Variants in MC2R observed in about 807,000 individuals in gnomAD.
The protein encoded by MC2R is adrenocorticotropic hormone receptor.
In MC2R, 9 loss-of-function variants were observed where a neutral mutation model predicts 9.8. The ratio of observed to expected loss-of-function variants is 0.92; its 90% CI spans 0.55 to 1.60. The LOEUF (loss-of-function observed/expected upper bound fraction) is 1.60, where lower values mean the gene tolerates loss of function less well. MC2R is among the 40% of genes most tolerant of loss of function. The pLI is 0.00. For synonymous variants in MC2R, 185 were observed against 154.7 expected, an observed-to-expected ratio of 1.20 and a Z score of -1.45; for missense variants, 370 against 389.0, an observed-to-expected ratio of 0.95 and a Z score of 0.41.
At chr18:13,888,833 C>T (rs546996281) in intron 1 of MC2R, among the ~76,000 whole-genome samples, 20 of 152,152 alleles carry the variant, frequency 1.3e-4, no homozygotes, top group Non-Finnish European at 2.6e-4. Flanking sequence ...TGTGAGGTGG[C>T]GTCAATGATC....
chr18:13,891,758 C>T (rs1173579437), intron 1 of MC2R, among the ~76,000 whole-genome samples: 3 of 142,676 alleles, frequency 2.1e-5, no homozygotes, highest in Admixed American at 7.1e-5. Context: ...TTTGGCCCTT[C>T]GGGTCTTGGC....
chr18:13,884,600 A>T lies in MC2R; in HGVS notation c.*25T>A. The T allele has an allele frequency of 6.2e-7, 1 of 1,609,166 alleles. No homozygotes were observed. The highest frequency in any genetic ancestry group is 8.5e-7 in the Non-Finnish European group (1 of 1,179,346). On this transcript the variant is annotated 3_prime_UTR_variant, in exon 2 of 2. Transcript: ENST00000327606. ...GCACTTGGCAACGTTATTCCCATGG[A>T]TTCTAAAACCAGGGATCAGCCATTC...
At chr18:13,892,114 C>T (rs897120898) in intron 1 of MC2R, among the ~76,000 whole-genome samples, 1 of 152,160 alleles carries the variant, frequency 6.6e-6, no homozygotes, top group Non-Finnish European at 1.5e-5. Flanking sequence ...TTCAGGGGCC[C>T]TTCACCATCA....
intron 1 of MC2R, among the ~76,000 whole-genome samples, chr18:13,909,214 G>A (rs79040789): frequency 0.025 from 3,848 of 152,272 alleles, 129 homozygotes; most frequent in African/African-American, 0.089. Flanking sequence ...CCACAATTGT[G>A]TGACATTTTT....
chr18:13,901,554 G>A (rs972017011), intron 1 of MC2R, among the ~76,000 whole-genome samples: 5 of 151,926 alleles, frequency 3.3e-5, no homozygotes, highest in African/African-American at 4.8e-5. Flanking sequence ...AATGAAAAAA[G>A]AGACGTTACA....
chr18:13,896,687 A>G (rs2045347862), intron 1 of MC2R, among the ~76,000 whole-genome samples: 1 of 152,202 alleles, frequency 6.6e-6, no homozygotes, highest in Admixed American at 6.5e-5. Context: ...AAATATCTGG[A>G]GCAAGGAACA....
rs2045249423 is a variant in MC2R, at chr18:13,883,619, A to ACT, written c.*1005_*1006insAG. ...CACACACACACACACACACACACAC[A>ACT]CACACACACTCTCTCTCTCTCTCTC... is the stretch of plus-strand genomic sequence containing the variant. On this transcript the variant is annotated 3_prime_UTR_variant, in exon 2 of 2. Transcript: ENST00000327606. 3 of 76,336 alleles carry ACT rather than the reference A, an allele frequency of 3.9e-5. No homozygotes were observed. The highest frequency in any genetic ancestry group is 1.5e-4 in the African/African-American group (3 of 19,530). The allele number at this position is 76,336 out of a possible 1,614,324, so 4.7% of individuals were successfully genotyped here. A position where few individuals can be genotyped will look rare whatever the true frequency, so the allele number is the denominator to read the frequency against.
chr18:13,912,289 C>T (rs552211698), intron 1 of MC2R, among the ~76,000 whole-genome samples: 15 of 152,266 alleles, frequency 9.9e-5, no homozygotes, highest in African/African-American at 3.4e-4. Flanking sequence ...TTTCCTGCTC[C>T]CCTGCCTATA....
In MC2R at chr18:13,885,085, C is replaced by T. The variant is rs1309171111; in HGVS notation, c.434G>A (p.Arg145His). Residue 145 changes from arginine (R) to histidine (H), a missense_variant, in exon 2 of 2, where the codon CGC (arginine) becomes CAC (histidine). Arg to His is a conservative substitution (Grantham distance 29). Transcript: ENST00000327606. ...GACCGTAAGCACCACCACAGTGCGG[C>T]GCATGGTCACGATGCTGTGGTACCG... The part of the protein sequence containing the change: ...ALRYHSIVTM[R>H]RTVVVLTVIW... The T allele has an allele frequency of 1.1e-5, 17 of 1,613,996 alleles. No individual in the cohort carries two copies. The highest frequency in any genetic ancestry group is 1.7e-5 in the Admixed American group (1 of 60,004).
chr18:13,899,161 G>A (rs1044153900), intron 1 of MC2R, among the ~76,000 whole-genome samples: 16 of 152,234 alleles, frequency 1.1e-4, no homozygotes, highest in Non-Finnish European at 1.3e-4. Flanking sequence ...TTAATAAAGA[G>A]ATTGAAATAA....
Position 13,884,758 on chromosome 18 carries a change from T to A in MC2R, c.761A>T (p.Tyr254Phe). Residue 254 changes from tyrosine (Y) to phenylalanine (F), a missense_variant, in exon 2 of 2, where the codon TAC becomes TTC. Coordinates refer to ENST00000327606, the MANE Select transcript of MC2R (RefSeq NM_000529.2). ...GCCGTTCACCTGGAAGAGAGACATG[T>A]AGCAGGCGCAGTAGGGGTTACTTGG... ...FCPSNPYCACYMSLFQVNGML... is the reference protein window; with the variant it reads ...FCPSNPYCACFMSLFQVNGML... 6.2e-7 allele frequency: 1 copy of A among 1,614,020 alleles called. No homozygotes were observed. Among genetic ancestry groups the A allele is most frequent in the Non-Finnish European group, 8.5e-7 (1 of 1,179,986 alleles).
chr18:13,889,607 C>T (rs752181806), intron 1 of MC2R, among the ~76,000 whole-genome samples: 2 of 152,124 alleles, frequency 1.3e-5, no homozygotes, highest in Non-Finnish European at 2.9e-5. Context: ...CCAAATGTGG[C>T]TCACTCTGTT....
At position 13,882,216 on chromosome 18, in the gene MC2R, T is replaced by C. The variant is rs893851558; in HGVS notation, c.*2409A>G. ...ATTTGATAAAAGAATTAAGTCCTCA[T>C]GGGAAAAGTCTGAAGCTTGTTGATC... On this transcript the variant is annotated 3_prime_UTR_variant, in exon 2 of 2. Coordinates refer to ENST00000327606, the MANE Select transcript of MC2R (RefSeq NM_000529.2). The C allele has an allele frequency of 6.6e-6, 1 of 152,236 alleles. No homozygotes were observed. The highest frequency in any genetic ancestry group is 1.5e-5 in the Non-Finnish European group (1 of 68,040). 9.4% of individuals were successfully genotyped at this position (152,236 alleles called of 1,614,324 possible).
intron 1 of MC2R, among the ~76,000 whole-genome samples, chr18:13,887,857 G>A (rs1176346761): frequency 1.3e-5 from 2 of 152,120 alleles, no homozygotes; most frequent in Admixed American, 1.3e-4. Flanking sequence ...CTTGCTGAGT[G>A]TAGAGCTTGG....
At chr18:13,909,730 C>T (rs776125954) in intron 1 of MC2R, among the ~76,000 whole-genome samples, 10 of 152,310 alleles carry the variant, frequency 6.6e-5, no homozygotes, top group African/African-American at 1.9e-4. Flanking sequence ...AGACCTGCAT[C>T]GCTGTGGCTT....
Position 13,913,219 on chromosome 18 carries a change from C to T in MC2R, c.-129+2269G>A, listed in dbSNP as rs552424442. Among the ~76,000 whole-genome samples, 138 of 152,168 alleles carry T rather than the reference C, an allele frequency of 9.1e-4. 1 individual carries two copies. Among genetic ancestry groups the T allele is most frequent in the African/African-American group, 3.2e-3 (133 of 41,504 alleles). On this transcript the variant is annotated intron_variant, in intron 1 of 1. Coordinates refer to ENST00000327606, the MANE Select transcript of MC2R (RefSeq NM_000529.2). Reference sequence around the variant, plus strand: ...GGTTGGAAATCAGTGTGATGCTCAGCTCCCTGCACAGCCTCACCTGGACCA... The same window carrying T: ...GGTTGGAAATCAGTGTGATGCTCAGTTCCCTGCACAGCCTCACCTGGACCA...
Position 13,882,526 on chromosome 18 carries a change from G to A in MC2R, c.*2099C>T, listed in dbSNP as rs557989046. On this transcript the variant is annotated 3_prime_UTR_variant, in exon 2 of 2. Coordinates refer to ENST00000327606, the MANE Select transcript of MC2R (RefSeq NM_000529.2). ...AGGCAGTGAGAGGTGAAGTTTCTTG[G>A]TGATTTTCCTTCTGACAACAGTCAC... The A allele has an allele frequency of 6.6e-6, 1 of 152,290 alleles. No homozygotes were observed. The highest frequency in any genetic ancestry group is 1.5e-5 in the Non-Finnish European group (1 of 68,022). 9.4% of individuals were successfully genotyped at this position (152,290 alleles called of 1,614,324 possible). A position where few individuals can be genotyped will look rare whatever the true frequency, so the allele number is the denominator to read the frequency against.
chr18:13,899,953 G>A (rs1354011640), intron 1 of MC2R, among the ~76,000 whole-genome samples: 8 of 152,040 alleles, frequency 5.3e-5, no homozygotes, highest in African/African-American at 1.9e-4. Context: ...ACACAGAAAA[G>A]CACAGAATAT....
At chr18:13,890,547 G>A (rs946027880) in intron 1 of MC2R, among the ~76,000 whole-genome samples, 11 of 152,104 alleles carry the variant, frequency 7.2e-5, no homozygotes, top group Non-Finnish European at 2.9e-5. Context: ...TGCACGTGTC[G>A]GGGTGAGGTT....
Sources: allele counts gnomAD v4.1 joint callset (sites outside exome capture counted in the v4.1 genomes callset), GRCh38; gene constraint gnomAD v4.1.1; transcripts MANE v1.5; gene names NCBI Gene and HGNC (gene_info 2026-07-23, HGNC 2026-07-21).